Variants in PRKD1 observed in about 807,000 individuals in gnomAD.
PRKD1 encodes the protein serine/threonine-protein kinase D1.
Under a neutral mutation model 95.9 loss-of-function variants are expected in PRKD1, and 63 were observed. That is an observed-to-expected ratio of 0.66 (90% CI 0.54 to 0.81). The LOEUF (loss-of-function observed/expected upper bound fraction) is 0.81, where lower values mean the gene tolerates loss of function less well. Among genes scored for constraint, PRKD1 ranks in the 30% least tolerant of loss-of-function variants. The pLI is 0.00. For missense variants in PRKD1, 1,048 were observed against 1,165.3 expected (o/e 0.90, Z 1.47); for synonymous variants, 425 against 423.1 (o/e 1.00, Z -0.05).
At chr14:29,787,399 T>C (rs1445730651) in intron 1 of PRKD1, among the ~76,000 whole-genome samples, 1 of 152,032 alleles carries the variant, frequency 6.6e-6, no homozygotes, top group Non-Finnish European at 1.5e-5. Context: ...ATTTTCACTC[T>C]AGATGATCTT....
At chr14:29,609,719 T>TA (rs1000026754) in intron 13 of PRKD1, among the ~76,000 whole-genome samples, 6 of 147,114 alleles carry the variant, frequency 4.1e-5, no homozygotes, top group African/African-American at 9.9e-5. Context: ...TCTTTATTTT[T>TA]TTTTTTTTTT....
intron 1 of PRKD1, among the ~76,000 whole-genome samples, chr14:29,865,761 C>T (rs1958988): frequency 0.48 from 73,398 of 151,996 alleles, 21,263 homozygotes; most frequent in African/African-American, 0.82. Flanking sequence ...GTTTTAGTTA[C>T]CTGGGTCTTG....
chr14:29,885,442 C>T lies in PRKD1; in HGVS notation c.264+41807G>A, dbSNP rs1397582360. Among the ~76,000 whole-genome samples the T allele has an allele frequency of 2.0e-5, 3 of 152,118 alleles. No individual in the cohort carries two copies. The Middle Eastern group carries it at 0.01, about 517-fold the overall frequency. On this transcript the variant is annotated intron_variant, in intron 1 of 17. Coordinates refer to ENST00000331968, the MANE Select transcript of PRKD1 (RefSeq NM_002742.3). ...ATACCTATGTTTTTAACTAAGCTGGCTCTTCATTCATGTTCCTTTATAAAC... is the reference window on the plus strand; with the variant it reads ...ATACCTATGTTTTTAACTAAGCTGGTTCTTCATTCATGTTCCTTTATAAAC...
intron 13 of PRKD1, among the ~76,000 whole-genome samples, chr14:29,616,100 A>G (rs1341310722): frequency 6.6e-6 from 1 of 152,034 alleles, no homozygotes; most frequent in African/African-American, 2.4e-5. Context: ...ATGTGCGTAA[A>G]TCCTTTAGAT....
At chr14:29,899,144 T>C (rs974329285) in intron 1 of PRKD1, among the ~76,000 whole-genome samples, 10 of 152,170 alleles carry the variant, frequency 6.6e-5, no homozygotes, top group South Asian at 4.1e-4. Context: ...AATAGAATAA[T>C]AGAGTTTACA....
At chr14:29,681,660 C>A (rs1399914870) in intron 2 of PRKD1, among the ~76,000 whole-genome samples, 1 of 152,070 alleles carries the variant, frequency 6.6e-6, no homozygotes, top group African/African-American at 2.4e-5. Context: ...CAAGTAGAGG[C>A]ATTTATTATG....
At position 29,757,618 on chromosome 14, in the gene PRKD1, T is replaced by C. The variant is rs572767086; in HGVS notation, c.265-31944A>G. Among the ~76,000 whole-genome samples the C allele has an allele frequency of 1.3e-3, 200 of 152,108 alleles. 1 individual carries two copies. Among genetic ancestry groups the C allele is most frequent in the African/African-American group, 4.5e-3 (187 of 41,502 alleles). ...ATTTTATTGTGGACATAAAATTTAA[T>C]TGGTTTTATTATGGACAGAAAAATT... On this transcript the variant is annotated intron_variant, in intron 1 of 17. Transcript: ENST00000331968.
intron 1 of PRKD1, among the ~76,000 whole-genome samples, chr14:29,736,337 A>C (rs2139422774): frequency 6.6e-6 from 1 of 152,332 alleles, no homozygotes; most frequent in African/African-American, 2.4e-5. Context: ...AACTTAGCAA[A>C]ATCGTACTTT....
chr14:29,807,920 C>T (rs1288347276), intron 1 of PRKD1, among the ~76,000 whole-genome samples: 1 of 151,994 alleles, frequency 6.6e-6, no homozygotes, highest in Non-Finnish European at 1.5e-5. Context: ...CGGGATTTCA[C>T]CATGTTAACC....
At chr14:29,788,509 T>C (rs1413429729) in intron 1 of PRKD1, among the ~76,000 whole-genome samples, 1 of 152,228 alleles carries the variant, frequency 6.6e-6, no homozygotes, top group Non-Finnish European at 1.5e-5. Flanking sequence ...ATAGGTTTTC[T>C]ATGCATTTGG....
intron 2 of PRKD1, among the ~76,000 whole-genome samples, chr14:29,674,361 T>C (rs1412752500): frequency 1.3e-5 from 2 of 152,160 alleles, no homozygotes; most frequent in African/African-American, 4.8e-5. Flanking sequence ...GCTGGGTCCA[T>C]AGGGCTGTGT....
intron 1 of PRKD1, among the ~76,000 whole-genome samples, chr14:29,810,088 T>TA (rs1166684445): frequency 2.0e-5 from 3 of 152,180 alleles, no homozygotes; most frequent in Non-Finnish European, 4.4e-5. Flanking sequence ...CACACACACT[T>TA]AAGTTCGCTG....
At chr14:29,771,287 G>A (rs1888497421) in intron 1 of PRKD1, among the ~76,000 whole-genome samples, 1 of 152,118 alleles carries the variant, frequency 6.6e-6, no homozygotes, top group Admixed American at 6.5e-5. Context: ...AGAGCACTGG[G>A]CTGCCCCTCT....
chr14:29,761,574 C>T (rs1887984688), intron 1 of PRKD1, among the ~76,000 whole-genome samples: 1 of 152,070 alleles, frequency 6.6e-6, no homozygotes, highest in Non-Finnish European at 1.5e-5. Flanking sequence ...GTTCTCATGC[C>T]TGATGTTATT....
At chr14:29,927,123 G>C in intron 1 of PRKD1, 126 bp downstream of exon 1, 1 of 1,073,734 alleles carries the variant, frequency 9.3e-7, no homozygotes, top group South Asian at 3.9e-5. Flanking sequence ...GCCGCTTCCA[G>C]AGCGCCGGCG....
intron 1 of PRKD1, among the ~76,000 whole-genome samples, chr14:29,857,183 A>G (rs895200996): frequency 6.6e-6 from 1 of 152,214 alleles, no homozygotes; most frequent in Admixed American, 6.5e-5. Context: ...AGGCAGTCAG[A>G]AAACATAGTC....
intron 1 of PRKD1, among the ~76,000 whole-genome samples, chr14:29,730,717 G>C (rs1001731632): frequency 6.6e-6 from 1 of 151,966 alleles, no homozygotes; most frequent in Admixed American, 6.6e-5. Context: ...TTAACATTCC[G>C]GACATGATTA....
chr14:29,691,481 G>C (rs1411808392), intron 2 of PRKD1, among the ~76,000 whole-genome samples: 1 of 152,186 alleles, frequency 6.6e-6, no homozygotes, highest in African/African-American at 2.4e-5. Context: ...ATGACATTAA[G>C]GGCTTTCTGA....
At chr14:29,632,007 G>T (rs896529501) in intron 9 of PRKD1, among the ~76,000 whole-genome samples, 2 of 151,658 alleles carry the variant, frequency 1.3e-5, no homozygotes, top group African/African-American at 4.8e-5. Context: ...CACCATGTTG[G>T]CCAGGCTGGT....
Sources: allele counts gnomAD v4.1 joint callset (sites outside exome capture counted in the v4.1 genomes callset), GRCh38; gene constraint gnomAD v4.1.1; transcripts MANE v1.5; gene names NCBI Gene and HGNC (gene_info 2026-07-23, HGNC 2026-07-21).